RRAS2: variants seen among roughly 807,000 people sequenced by gnomAD.
The protein encoded by RRAS2 is ras-related protein R-Ras2.
In RRAS2, 7 loss-of-function variants were observed where a neutral mutation model predicts 27.6. The ratio of observed to expected loss-of-function variants is 0.25; its 90% CI spans 0.14 to 0.48. The LOEUF is 0.48. RRAS2 is among the 20% of genes least tolerant of loss of function. RRAS2 has a pLI of 0.99. For synonymous variants in RRAS2, 86 were observed against 90.9 expected, an observed-to-expected ratio of 0.95 and a Z score of 0.31; for missense variants, 178 against 256.2, an observed-to-expected ratio of 0.69 and a Z score of 2.08.
At chr11:14,316,526 G>A (rs908099868) in intron 1 of RRAS2, among the ~76,000 whole-genome samples, 9 of 152,312 alleles carry the variant, frequency 5.9e-5, no homozygotes, top group African/African-American at 2.2e-4. Flanking sequence ...GATTGCTTGA[G>A]CCCAGGAGTT....
intron 1 of RRAS2, chr11:14,364,273 G>A: frequency 1.1e-6 from 1 of 937,336 alleles, no homozygotes; most frequent in South Asian, 1.4e-5. Context: ...AGGGTAGAGT[G>A]GAGAGGGAGA....
intron 4 of RRAS2, among the ~76,000 whole-genome samples, chr11:14,283,475 G>A (rs1554944618): frequency 6.6e-6 from 1 of 152,174 alleles, no homozygotes; most frequent in African/African-American, 2.4e-5. Flanking sequence ...ACTTTGTACA[G>A]AATCAGTAGT....
intron 1 of RRAS2, among the ~76,000 whole-genome samples, chr11:14,345,472 T>C (rs1401323901): frequency 6.6e-6 from 1 of 152,328 alleles, no homozygotes; most frequent in East Asian, 1.9e-4. Flanking sequence ...AAAATACTTA[T>C]AGTCTAGTGC....
chr11:14,292,613 G>A (rs1554945937), intron 4 of RRAS2, among the ~76,000 whole-genome samples: 1 of 151,930 alleles, frequency 6.6e-6, no homozygotes, highest in African/African-American at 2.4e-5. Flanking sequence ...AAAAAAAATA[G>A]ATGAACTGTC....
At chr11:14,359,328 C>A, upstream of RRAS2, 1 of 244,426 alleles carries the variant, frequency 4.1e-6, no homozygotes, top group Non-Finnish European at 6.6e-6. Context: ...AGCCAGTGAG[C>A]GAGTGCGTGA....
chr11:14,323,585 A>C (rs956828727), intron 1 of RRAS2, among the ~76,000 whole-genome samples: 1 of 152,186 alleles, frequency 6.6e-6, no homozygotes, highest in African/African-American at 2.4e-5. Flanking sequence ...TTGTAAAAGC[A>C]AGGTCTACCA....
At chr11:14,353,153 T>C (rs1486526862) in intron 1 of RRAS2, among the ~76,000 whole-genome samples, 3 of 152,160 alleles carry the variant, frequency 2.0e-5, no homozygotes, top group Non-Finnish European at 4.4e-5. Flanking sequence ...TCCCCCAATT[T>C]AAAGTTATCA....
intron 1 of RRAS2, among the ~76,000 whole-genome samples, chr11:14,302,051 A>C (rs929498068): frequency 1.7e-5 from 2 of 120,170 alleles, no homozygotes. Flanking sequence ...CTATAAAACA[A>C]GGAGTAAATG....
rs1591495779 is a variant in RRAS2, at chr11:14,358,803, C to A, written c.68G>T (p.Gly23Val). The A allele has an allele frequency of 6.7e-7, 1 of 1,490,360 alleles. No individual in the cohort carries two copies. The highest frequency in any genetic ancestry group is 1.2e-5 in the South Asian group (1 of 82,526). The allele number at this position is 1,490,360 out of a possible 1,614,324, so 92.3% of individuals were successfully genotyped here. A position where few individuals can be genotyped will look rare whatever the true frequency, so the allele number is the denominator to read the frequency against. Residue 23 changes from glycine (G) to valine (V), a missense_variant, in exon 1 of 6, where the codon GGC becomes GTC. By Grantham distance (109) the Gly-to-Val change is moderately radical (BLOSUM62 -3). Transcript: ENST00000256196. The surrounding 1 kb of genome is among the most constrained non-coding windows in gnomAD (Gnocchi z 5.1). ...EKYRLVVVGG[G>V]GVGKSALTIQ... is the part of the protein sequence containing the mutation. ...GGTGAGCGCCGACTTGCCCACGCCG[C>A]CCCCGCCGACCACCACGAGCCGGTA...
chr11:14,289,189 A>G (rs1169240119), intron 4 of RRAS2, among the ~76,000 whole-genome samples: 1 of 152,204 alleles, frequency 6.6e-6, no homozygotes, highest in Non-Finnish European at 1.5e-5. Context: ...GACAGATGGG[A>G]GTCTGGATTG....
At chr11:14,335,654 G>A (rs1392903496) in intron 1 of RRAS2, among the ~76,000 whole-genome samples, 1 of 152,100 alleles carries the variant, frequency 6.6e-6, no homozygotes, top group Non-Finnish European at 1.5e-5. Flanking sequence ...TATTTCTCCT[G>A]CTAAAAACTA....
At chr11:14,331,113 T>G (rs1848472222) in intron 1 of RRAS2, among the ~76,000 whole-genome samples, 1 of 152,160 alleles carries the variant, frequency 6.6e-6, no homozygotes, top group Non-Finnish European at 1.5e-5. Context: ...ACATAAAATT[T>G]AAAGCCCTGG....
chr11:14,352,690 C>A (rs1848980888), intron 1 of RRAS2, among the ~76,000 whole-genome samples: 1 of 149,546 alleles, frequency 6.7e-6, no homozygotes, highest in South Asian at 2.1e-4. Context: ...AGTGGCATCA[C>A]AAAATCTGTT....
intron 1 of RRAS2, among the ~76,000 whole-genome samples, chr11:14,328,010 G>C (rs1419619017): frequency 6.6e-6 from 1 of 152,154 alleles, no homozygotes; most frequent in African/African-American, 2.4e-5. Context: ...AGTCTTGACA[G>C]GATTTTCTAA....
chr11:14,337,037 C>T (rs1237689710), intron 1 of RRAS2: 2 of 152,170 alleles, frequency 1.3e-5, no homozygotes, highest in African/African-American at 4.8e-5. Context: ...CATCAGAAAC[C>T]ATGGGGATCA....
intron 4 of RRAS2, 141 bp downstream of exon 4, chr11:14,294,330 G>T: frequency 3.9e-6 from 2 of 511,310 alleles, no homozygotes; most frequent in Non-Finnish European, 6.9e-6. Context: ...AATACAGTGT[G>T]CCAGACTCAG....
chr11:14,300,579 C>T (rs1847671888), intron 1 of RRAS2, among the ~76,000 whole-genome samples: 1 of 152,048 alleles, frequency 6.6e-6, no homozygotes. Flanking sequence ...GACCCTGTTT[C>T]CACCCCCGCC....
At chr11:14,319,434 G>C (rs942817215) in intron 1 of RRAS2, among the ~76,000 whole-genome samples, 5 of 135,364 alleles carry the variant, frequency 3.7e-5, no homozygotes, top group Admixed American at 8.9e-5. Context: ...TCTCGGCTCA[G>C]TGCAAGCTCC....
intron 1 of RRAS2, chr11:14,308,164 A>C: frequency 3.2e-6 from 1 of 316,500 alleles, no homozygotes; most frequent in Non-Finnish European, 6.2e-6. Flanking sequence ...TTATGTGCAC[A>C]AAATATCTCT....
Sources: allele counts gnomAD v4.1 joint callset (sites outside exome capture counted in the v4.1 genomes callset), GRCh38; gene constraint gnomAD v4.1.1; non-coding constraint Gnocchi (gnomAD v3.1); transcripts MANE v1.5; gene names NCBI Gene and HGNC (gene_info 2026-07-23, HGNC 2026-07-21).